PHYHIP: variants seen among roughly 807,000 people sequenced by gnomAD.
The protein encoded by PHYHIP is phytanoyl-CoA 2-hydroxylase interacting protein.
A neutral mutation model predicts 26.1 loss-of-function variants in PHYHIP; 7 were observed. That is an observed-to-expected ratio of 0.27 (90% confidence interval 0.15 to 0.50). The LOEUF is 0.50. Ranked by LOEUF, PHYHIP falls within the 20% of genes least tolerant of loss-of-function variation. The pLI is 0.98. For missense variants in PHYHIP, 232 were observed against 454.7 expected, an observed-to-expected ratio of 0.51 and a Z score of 4.45; for synonymous variants, 206 against 183.4, an observed-to-expected ratio of 1.12 and a Z score of -1.00.
chr8:22,226,063 CTGTT>C (rs1352582143), intron 3 of PHYHIP, among the ~76,000 whole-genome samples: 1 of 152,140 alleles, frequency 6.6e-6, no homozygotes. Context: ...CATAGGCCCA[CTGTT>C]TGTTTGTGAT....
At chr8:22,231,618 A>T (rs1157871642) in intron 1 of PHYHIP, among the ~76,000 whole-genome samples, 178 bp downstream of exon 1, 1 of 151,536 alleles carries the variant, frequency 6.6e-6, no homozygotes, top group Non-Finnish European at 1.5e-5. Context: ...TGCCCCAGAG[A>T]CTGGATTCAG....
At chr8:22,228,415 C>T in intron 1 of PHYHIP, 29 bp from the exon 2 acceptor site, 1 of 1,368,086 alleles carries the variant, frequency 7.3e-7, no homozygotes, top group Non-Finnish European at 1.0e-6. Flanking sequence ...GTCAGTACAT[C>T]CCTTGACCCC....
At chr8:22,226,677 C>T (rs1011818428) in intron 3 of PHYHIP, among the ~76,000 whole-genome samples, 174 bp downstream of exon 3, 1 of 152,170 alleles carries the variant, frequency 6.6e-6, no homozygotes, top group Non-Finnish European at 1.5e-5. Flanking sequence ...AGGTTGGGCT[C>T]CTGGAGGCAG....
chr8:22,227,287 G>A (rs149027328), intron 2 of PHYHIP, among the ~76,000 whole-genome samples: 1,530 of 152,342 alleles, frequency 0.01, 14 homozygotes, highest in Middle Eastern at 0.058. Context: ...AGTTGAGGAC[G>A]GCAAGGCCTT....
Position 22,219,733 on chromosome 8 carries a change from T to C in PHYHIP, c.*1620A>G, listed in dbSNP as rs1829573291. On this transcript the variant is annotated 3_prime_UTR_variant, in exon 5 of 5. Coordinates refer to ENST00000454243, the MANE Select transcript of PHYHIP (RefSeq NM_014759.5). The stretch of plus-strand genomic sequence containing the variant: ...TGAGACGAGCAGGGCCCTCAGGCCA[T>C]GGTGGTTTATTGATGCACGTCGCAA... The C allele has an allele frequency of 1.3e-5, 2 of 152,742 alleles. No homozygotes were observed. The highest frequency in any genetic ancestry group is 1.5e-5 in the Non-Finnish European group (1 of 68,150). 9.5% of individuals were successfully genotyped at this position (152,742 alleles called of 1,614,324 possible).
chr8:22,231,930 C>G lies in PHYHIP; in HGVS notation c.-164G>C, dbSNP rs1829877150. On this transcript the variant is annotated 5_prime_UTR_variant, in exon 1 of 5. Transcript: ENST00000454243. ...GCAGTGGCGTGCGCTTGCTCCTCTC[C>G]CGGCTGCCAAGGAGGCTGCTTCCAT... 6.6e-6 allele frequency: 1 copy of G among 152,358 alleles called. No individual in the cohort carries two copies. Among genetic ancestry groups the G allele is most frequent in the Admixed American group, 6.5e-5 (1 of 15,288 alleles). The allele number at this position is 152,358 out of a possible 1,614,324, so 9.4% of individuals were successfully genotyped here. A position where few individuals can be genotyped will look rare whatever the true frequency, so the allele number is the denominator to read the frequency against.
At chr8:22,227,354 C>A (rs1025924272) in intron 2 of PHYHIP, among the ~76,000 whole-genome samples, 2 of 152,070 alleles carry the variant, frequency 1.3e-5, no homozygotes, top group South Asian at 2.1e-4. Context: ...TCCACGGCAA[C>A]GGCAAATGCT....
chr8:22,229,219 G>A (rs983997221), intron 1 of PHYHIP, among the ~76,000 whole-genome samples: 2 of 152,134 alleles, frequency 1.3e-5, no homozygotes, highest in African/African-American at 2.4e-5. Context: ...CCAAGGCCAC[G>A]CAGAGAGCAA....
chr8:22,224,259 C>T lies in PHYHIP; in HGVS notation c.425G>A (p.Arg142His). 6.2e-7 allele frequency: 1 copy of T among 1,610,974 alleles called. No individual in the cohort carries two copies. The highest frequency in any genetic ancestry group is 8.5e-7 in the Non-Finnish European group (1 of 1,177,584). ...CTGGAAGTACTCCTTGTGATGGTTG[C>T]GGTAGAAGACGGAGAAGCGGAGCAT... ...GRMLRFSVFY[R>H]NHHKEYFQHA... is the part of the protein sequence containing the mutation. Residue 142 changes from arginine to histidine, a missense_variant, in exon 4 of 5, where the codon CGC (arginine) becomes CAC (histidine). By Grantham distance (29) the Arg-to-His change is conservative (BLOSUM62 0). Transcript: ENST00000454243.
At chr8:22,226,778 G>C (rs572991671) in intron 3 of PHYHIP, 73 bp downstream of exon 3, 16 of 1,411,130 alleles carry the variant, frequency 1.1e-5, no homozygotes, top group Admixed American at 9.8e-5. Flanking sequence ...GGACTACGAG[G>C]AAGACCCGCC....
intron 2 of PHYHIP, among the ~76,000 whole-genome samples, chr8:22,227,379 G>A (rs1829770011): frequency 1.3e-5 from 2 of 152,246 alleles, no homozygotes; most frequent in South Asian, 4.1e-4. Flanking sequence ...AGCCAGGGAG[G>A]AAGGGAAAAT....
At chr8:22,231,480 G>A (rs920740583) in intron 1 of PHYHIP, among the ~76,000 whole-genome samples, 8 of 152,164 alleles carry the variant, frequency 5.3e-5, no homozygotes, top group Non-Finnish European at 7.3e-5. Context: ...CACACGCCGC[G>A]CACACCGGTG....
Position 22,221,599 on chromosome 8 carries a change from G to T in PHYHIP, c.747C>A (p.Phe249Leu). 6.2e-7 allele frequency: 1 copy of T among 1,613,928 alleles called. No individual in the cohort carries two copies. The highest frequency in any genetic ancestry group is 8.5e-7 in the Non-Finnish European group (1 of 1,179,952). Residue 249 changes from phenylalanine (F) to leucine (L), a missense_variant, in exon 5 of 5, where the codon TTC (phenylalanine) becomes TTA (leucine). Phe to Leu is a conservative substitution (Grantham distance 22, BLOSUM62 0). Transcript: ENST00000454243. This position sits in a 1 kb window ranked among gnomAD's most constrained non-coding sequence, Gnocchi z 7.9. Reference protein sequence around the residue: ...LAPKGSLGDRFCRDRLPLLDI... With the variant: ...LAPKGSLGDRLCRDRLPLLDI... ...CCAGGAGGGGCAGGCGGTCGCGGCA[G>T]AAGCGGTCCCCCAGGGAGCCTTTGG...
chr8:22,231,011 T>C (rs185909702), intron 1 of PHYHIP, among the ~76,000 whole-genome samples: 1 of 152,312 alleles, frequency 6.6e-6, no homozygotes, highest in East Asian at 1.9e-4. Context: ...GCCCGAAGTC[T>C]GGTATTCTCT....
chr8:22,224,397 C>T, intron 3 of PHYHIP, 54 bp from the exon 4 acceptor site: 5 of 1,008,708 alleles, frequency 5.0e-6, no homozygotes, highest in East Asian at 2.4e-5. Flanking sequence ...GGAGCACAAA[C>T]ACCTCCTGTC....
At chr8:22,227,406 G>C (rs186666998) in intron 2 of PHYHIP, among the ~76,000 whole-genome samples, 9 of 152,228 alleles carry the variant, frequency 5.9e-5, no homozygotes, top group Admixed American at 1.3e-4. Flanking sequence ...TATTCTTTGG[G>C]GGGGAGGGTT....
chr8:22,221,507 T>C lies in PHYHIP; in HGVS notation c.839A>G (p.Gln280Arg). The C allele has an allele frequency of 6.2e-7, 1 of 1,614,148 alleles. No individual in the cohort carries two copies. ...EDGELVFRHA[Q>R]DLILEIIYTE... is the part of the protein sequence containing the mutation. ...GTAGATGATCTCCAGGATGAGGTCC[T>C]GGGCGTGGCGGAAGACCAGCTCCCC... The change falls in exon 5 of 5, where the codon CAG becomes CGG. Residue 280 changes from glutamine to arginine, a missense_variant. Transcript: ENST00000454243. The surrounding 1 kb of genome is among the most constrained non-coding windows in gnomAD (Gnocchi z 7.9).
At chr8:22,225,763 C>T (rs2131926578) in intron 3 of PHYHIP, among the ~76,000 whole-genome samples, 1 of 151,018 alleles carries the variant, frequency 6.6e-6, no homozygotes, top group South Asian at 2.1e-4. Context: ...CGAGATCACG[C>T]CACTGCACTC....
Position 22,221,312 on chromosome 8 carries a change from T to C in PHYHIP, c.*41A>G. On this transcript the variant is annotated 3_prime_UTR_variant, in exon 5 of 5. Transcript: ENST00000454243. This position sits in a 1 kb window ranked among gnomAD's most constrained non-coding sequence, Gnocchi z 7.9. ...GAACCTGGGCTACCCACCTCCACCTTCCGCTCATCTCTCCCTCGCCCCCCA... is the reference window on the plus strand; with the variant it reads ...GAACCTGGGCTACCCACCTCCACCTCCCGCTCATCTCTCCCTCGCCCCCCA... The C allele has an allele frequency of 6.6e-7, 1 of 1,518,902 alleles. No individual in the cohort carries two copies. Among genetic ancestry groups the C allele is most frequent in the Non-Finnish European group, 8.8e-7 (1 of 1,132,064 alleles). The allele number at this position is 1,518,902 out of a possible 1,614,324, so 94.1% of individuals were successfully genotyped here.
Sources: gnomAD v4.1 joint callset for allele counts (sites outside exome capture counted in the v4.1 genomes callset) on GRCh38, gnomAD v4.1.1 for gene constraint, Gnocchi (gnomAD v3.1) non-coding constraint, MANE v1.5 for transcripts, NCBI Gene and HGNC (gene_info 2026-07-23, HGNC 2026-07-21) for gene names.